IFT43: variants seen among roughly 807,000 people sequenced by gnomAD.
IFT43 encodes the protein intraflagellar transport 43, also known as intraflagellar transport protein 43 homolog.
Under a neutral mutation model 32.3 loss-of-function variants are expected in IFT43, and 33 were observed. That is an observed-to-expected ratio of 1.02 (90% confidence interval 0.77 to 1.37). IFT43 has a LOEUF of 1.37. Among genes scored for constraint, IFT43 ranks in the 40% most tolerant of loss-of-function variants. IFT43 has a pLI of 0.00. For synonymous variants in IFT43, 93 were observed against 98.2 expected (o/e 0.95, Z 0.31); for missense variants, 274 against 265.9 (o/e 1.03, Z -0.21).
intron 3 of IFT43, among the ~76,000 whole-genome samples, chr14:76,048,667 G>T (rs906616484): frequency 5.9e-5 from 9 of 152,298 alleles, no homozygotes; most frequent in Non-Finnish European, 7.4e-5. Flanking sequence ...TAGTGGGTCG[G>T]TCAGTGATTT....
chr14:76,049,794 A>C (rs2036879490), intron 3 of IFT43, among the ~76,000 whole-genome samples: 1 of 151,588 alleles, frequency 6.6e-6, no homozygotes. Flanking sequence ...AAAATATTAG[A>C]TCATTGAGGT....
intron 3 of IFT43, among the ~76,000 whole-genome samples, chr14:76,022,958 C>A (rs1218599782): frequency 6.6e-6 from 1 of 152,202 alleles, no homozygotes; most frequent in Non-Finnish European, 1.5e-5. Context: ...CATCACCCTG[C>A]CTAGTTGGTA....
In IFT43 at chr14:76,022,929, G is replaced by A. The variant is rs144666175; in HGVS notation, c.215+535G>A. Among the ~76,000 whole-genome samples the A allele has an allele frequency of 1.8e-4, 27 of 152,272 alleles. 1 individual carries two copies. Among genetic ancestry groups the A allele is most frequent in the African/African-American group, 6.0e-4 (25 of 41,562 alleles). On this transcript the variant is annotated intron_variant, in intron 3 of 8. Transcript: ENST00000314067. ...CATATATCAGTCATCATTCATAAAG[G>A]GGAACAATACAGATGTCCCATCACC... is the stretch of plus-strand genomic sequence containing the variant.
chr14:76,010,347 A>G (rs1034193386), intron 2 of IFT43, among the ~76,000 whole-genome samples: 17 of 152,180 alleles, frequency 1.1e-4, no homozygotes, highest in African/African-American at 1.7e-4. Context: ...CACATGCATC[A>G]AGGAACAACC....
intron 7 of IFT43, among the ~76,000 whole-genome samples, 184 bp downstream of exon 7, chr14:76,082,876 C>T (rs766925813): frequency 9.9e-5 from 15 of 152,214 alleles, no homozygotes; most frequent in Admixed American, 5.2e-4. Flanking sequence ...CTGGACCCAA[C>T]ATAGTACAGT....
chr14:76,042,682 C>T (rs955186781), intron 3 of IFT43, among the ~76,000 whole-genome samples: 3 of 152,226 alleles, frequency 2.0e-5, no homozygotes, highest in African/African-American at 7.2e-5. Flanking sequence ...CTTAATTAGG[C>T]TAGTCATTAA....
At chr14:76,030,470 A>G (rs1294337302) in intron 3 of IFT43, among the ~76,000 whole-genome samples, 1 of 152,208 alleles carries the variant, frequency 6.6e-6, no homozygotes, top group East Asian at 1.9e-4. Flanking sequence ...TATAGAATTC[A>G]CGGTCTATAT....
At chr14:76,066,654 A>T (rs1047515379) in intron 5 of IFT43, among the ~76,000 whole-genome samples, 3 of 152,202 alleles carry the variant, frequency 2.0e-5, no homozygotes, top group Admixed American at 1.3e-4. Context: ...TTCAGCAATG[A>T]CATTAAGCAG....
chr14:76,027,559 A>T (rs1024828588), intron 3 of IFT43, among the ~76,000 whole-genome samples: 3 of 152,098 alleles, frequency 2.0e-5, no homozygotes, highest in Admixed American at 2.0e-4. Flanking sequence ...AATGCAAAAA[A>T]TTAGCTAGGT....
chr14:76,039,820 G>T (rs948135906), intron 3 of IFT43, among the ~76,000 whole-genome samples: 1 of 152,006 alleles, frequency 6.6e-6, no homozygotes, highest in Non-Finnish European at 1.5e-5. Context: ...CTCTCCAAAG[G>T]TACTCTATGC....
intron 1 of IFT43, among the ~76,000 whole-genome samples, chr14:75,987,869 T>G (rs1231847948): frequency 6.6e-6 from 1 of 152,228 alleles, no homozygotes; most frequent in Admixed American, 6.5e-5. Flanking sequence ...TTGTACTAGA[T>G]TTCCCTTAAT....
At chr14:75,996,137 C>T (rs2035743026) in intron 2 of IFT43, among the ~76,000 whole-genome samples, 1 of 152,210 alleles carries the variant, frequency 6.6e-6, no homozygotes, top group African/African-American at 2.4e-5. Context: ...CTTTAAGATT[C>T]TCCTCCTCGC....
intron 5 of IFT43, among the ~76,000 whole-genome samples, chr14:76,081,621 C>T (rs144845248): frequency 5.3e-4 from 80 of 152,306 alleles, no homozygotes; most frequent in African/African-American, 1.9e-3. Flanking sequence ...CGTGTCTCCT[C>T]GTATGTTGTC....
chr14:76,001,873 T>TATAAGGG (rs2035892438), intron 2 of IFT43, among the ~76,000 whole-genome samples: 1 of 152,196 alleles, frequency 6.6e-6, no homozygotes, highest in African/African-American at 2.4e-5. Context: ...CTTATCCTTC[T>TATAAGGG]ATAAGGGACC....
chr14:76,026,134 G>A (rs1427031198), intron 3 of IFT43, among the ~76,000 whole-genome samples: 1 of 152,090 alleles, frequency 6.6e-6, no homozygotes. Flanking sequence ...GGCAAAGGAT[G>A]AACAAACACT....
At chr14:76,062,807 C>T (rs2037161711) in intron 5 of IFT43, among the ~76,000 whole-genome samples, 2 of 150,524 alleles carry the variant, frequency 1.3e-5, no homozygotes, top group Middle Eastern at 3.4e-3. Context: ...ATCCCAGCTA[C>T]TCGGGAGGCT....
chr14:76,029,812 T>C (rs1030706098), intron 3 of IFT43, among the ~76,000 whole-genome samples: 1 of 151,938 alleles, frequency 6.6e-6, no homozygotes, highest in East Asian at 1.9e-4. Flanking sequence ...TTCTGTTCCA[T>C]TGGCCTCTGT....
chr14:76,062,732 A>G (rs1003981338), intron 5 of IFT43, among the ~76,000 whole-genome samples: 14 of 151,782 alleles, frequency 9.2e-5, no homozygotes, highest in African/African-American at 3.4e-4. Flanking sequence ...CCTGCCCAAC[A>G]TGGCGAAACC....
chr14:76,018,423 ATT>A, intron 2 of IFT43, among the ~76,000 whole-genome samples: 1 of 152,028 alleles, frequency 6.6e-6, no homozygotes, highest in East Asian at 1.9e-4. Flanking sequence ...ACTTGATATG[ATT>A]TTGGTTTTTA....
Sources: allele counts gnomAD v4.1 joint callset (sites outside exome capture counted in the v4.1 genomes callset), GRCh38; gene constraint gnomAD v4.1.1; transcripts MANE v1.5; gene names NCBI Gene and HGNC (gene_info 2026-07-23, HGNC 2026-07-21).